Variants in KHDC4 observed in about 807,000 individuals in gnomAD.
The protein encoded by KHDC4 is KH homology domain-containing protein 4.
In KHDC4, 19 loss-of-function variants were observed where a neutral mutation model predicts 74.5. The ratio of observed to expected loss-of-function variants is 0.26; its 90% CI spans 0.18 to 0.37. The LOEUF (loss-of-function observed/expected upper bound fraction) is 0.37, where lower values mean the gene tolerates loss of function less well. Among genes scored for constraint, KHDC4 ranks in the 10% least tolerant of loss-of-function variants. The pLI is 1.00. For synonymous variants in KHDC4, 253 were observed against 266.1 expected (o/e 0.95, Z 0.48); for missense variants, 632 against 754.1 (o/e 0.84, Z 1.90).
Position 155,913,932 on chromosome 1 carries a change from T to A in KHDC4, c.*189A>T. On this transcript the variant is annotated 3_prime_UTR_variant, in exon 14 of 14. Coordinates refer to ENST00000368321, the MANE Select transcript of KHDC4 (RefSeq NM_014949.4). Reference sequence around the variant, plus strand: ...ATTCTAATTAAATTTTAACAGATTCTATGCCACTGCAGAAATAAGGATTTT... The same window carrying A: ...ATTCTAATTAAATTTTAACAGATTCAATGCCACTGCAGAAATAAGGATTTT... 1 of 586,540 alleles carries A rather than the reference T, an allele frequency of 1.7e-6. No homozygotes were observed. The highest frequency in any genetic ancestry group is 2.8e-5 in the East Asian group (1 of 35,688). 36.3% of individuals were successfully genotyped at this position (586,540 alleles called of 1,614,324 possible). A position where few individuals can be genotyped will look rare whatever the true frequency, so the allele number is the denominator to read the frequency against.
intron 7 of KHDC4, among the ~76,000 whole-genome samples, chr1:155,924,142 C>A (rs1209824252): frequency 6.6e-6 from 1 of 152,044 alleles, no homozygotes; most frequent in Non-Finnish European, 1.5e-5. Flanking sequence ...ACGGTGAAAC[C>A]CCATCTCTAC....
intron 7 of KHDC4, among the ~76,000 whole-genome samples, chr1:155,924,310 C>T (rs1264201418): frequency 2.0e-5 from 3 of 150,912 alleles, no homozygotes; most frequent in African/African-American, 7.3e-5. Context: ...CCTGGGTTCA[C>T]GTCATTCTCC....
chr1:155,934,410 G>T lies in KHDC4; in HGVS notation c.-37C>A, dbSNP rs141535277. 2,972 of 1,607,692 alleles carry T rather than the reference G, an allele frequency of 1.8e-3. 1 individual carries two copies. Among genetic ancestry groups the T allele is most frequent in the Non-Finnish European group, 2.0e-3 (2,299 of 1,177,008 alleles). ...CTACTCAACCACCCGCCAACTATCC[G>T]ACTACCACCTCTCGTCACTTCCGCC... On this transcript the variant is annotated 5_prime_UTR_variant, in exon 1 of 14. Coordinates refer to ENST00000368321, the MANE Select transcript of KHDC4 (RefSeq NM_014949.4).
chr1:155,917,792 T>C (rs960539218), intron 10 of KHDC4, 120 bp from the exon 11 acceptor site: 19 of 783,532 alleles, frequency 2.4e-5, no homozygotes, highest in Non-Finnish European at 3.8e-5. Flanking sequence ...CATCTTCAGG[T>C]CCTTAGTTTC....
chr1:155,917,982 G>A (rs1443755310), intron 10 of KHDC4, among the ~76,000 whole-genome samples: 1 of 152,150 alleles, frequency 6.6e-6, no homozygotes. Flanking sequence ...GACAGTCGAT[G>A]TGATTAGCTT....
At chr1:155,925,430 G>A (rs1344050761) in intron 7 of KHDC4, among the ~76,000 whole-genome samples, 1 of 152,122 alleles carries the variant, frequency 6.6e-6, no homozygotes, top group South Asian at 2.1e-4. Context: ...GCCTCCAGAA[G>A]TGTTGGGATT....
At chr1:155,931,185 G>A (rs572051468) in intron 2 of KHDC4, among the ~76,000 whole-genome samples, 58 of 151,266 alleles carry the variant, frequency 3.8e-4, no homozygotes, top group Middle Eastern at 3.4e-3. Context: ...AGCTGGGCAC[G>A]GTGGCATGAG....
At chr1:155,922,025 T>A in intron 8 of KHDC4, 107 bp from the exon 9 acceptor site, 1 of 662,896 alleles carries the variant, frequency 1.5e-6, no homozygotes, top group Non-Finnish European at 2.6e-6. Context: ...TTAAAATATA[T>A]CTACCAATGT....
intron 2 of KHDC4, among the ~76,000 whole-genome samples, chr1:155,931,426 C>T (rs1317056582): frequency 6.6e-6 from 1 of 152,040 alleles, no homozygotes; most frequent in Non-Finnish European, 1.5e-5. Context: ...AAACCCATCT[C>T]TTCAAAAAAT....
intron 1 of KHDC4, 77 bp downstream of exon 1, chr1:155,934,259 T>C: frequency 6.9e-7 from 1 of 1,459,376 alleles, no homozygotes; most frequent in South Asian, 1.2e-5. Flanking sequence ...TTCCACCCTA[T>C]ACGCAGCTTC....
At position 155,913,448 on chromosome 1, in the gene KHDC4, T is replaced by C. The variant is rs1673671307; in HGVS notation, c.*673A>G. 1 of 152,380 alleles carries C rather than the reference T, an allele frequency of 6.6e-6. No homozygotes were observed. The highest frequency in any genetic ancestry group is 2.1e-4 in the South Asian group (1 of 4,822). The allele number at this position is 152,380 out of a possible 1,614,324, so 9.4% of individuals were successfully genotyped here. On this transcript the variant is annotated 3_prime_UTR_variant, in exon 14 of 14. Coordinates refer to ENST00000368321, the MANE Select transcript of KHDC4 (RefSeq NM_014949.4). ...TCTGACCCAGCTGAAGACAGGATCT[T>C]AGAAGGGCAATAAAAACAGTAATGG...
intron 8 of KHDC4, 120 bp downstream of exon 8, chr1:155,923,507 C>A: frequency 1.4e-6 from 1 of 731,774 alleles, no homozygotes; most frequent in Non-Finnish European, 2.4e-6. Flanking sequence ...TTTTAAGCCA[C>A]CCAACTGCCA....
chr1:155,927,745 A>G (rs1218371145), intron 4 of KHDC4, among the ~76,000 whole-genome samples: 4 of 144,634 alleles, frequency 2.8e-5, no homozygotes, highest in East Asian at 2.2e-4. Flanking sequence ...GGAGGTTGCA[A>G]TGACCCAAGA....
chr1:155,915,632 T>G, intron 13 of KHDC4: 2 of 438,180 alleles, frequency 4.6e-6, no homozygotes, highest in East Asian at 3.6e-5. Context: ...CTCAACCCCC[T>G]GAGTAGCTGG....
intron 2 of KHDC4, among the ~76,000 whole-genome samples, 197 bp from the exon 3 acceptor site, chr1:155,930,037 T>G (rs1674108653): frequency 6.6e-6 from 1 of 152,164 alleles, no homozygotes; most frequent in South Asian, 2.1e-4. Context: ...CTCAGCCTCC[T>G]GAGTAGCTGG....
chr1:155,916,839 G>C (rs903547091), intron 11 of KHDC4, 102 bp from the exon 12 acceptor site: 1 of 753,908 alleles, frequency 1.3e-6, no homozygotes, highest in Non-Finnish European at 2.2e-6. Flanking sequence ...CTGATAAGTT[G>C]TAGTACGTTA....
At chr1:155,928,951 C>CAAA (rs11406084) in intron 4 of KHDC4, among the ~76,000 whole-genome samples, 1 of 93,140 alleles carries the variant, frequency 1.1e-5, no homozygotes, top group African/African-American at 4.2e-5. Context: ...GACTCCATCT[C>CAAA]AAAAAAAAAA....
In KHDC4 at chr1:155,925,743, T is replaced by A; in HGVS notation, c.782A>T (p.Gln261Leu). ...GGCACCTGTTTCAATCTGAATGTGC[T>A]GCAAATAGGAGCAGCCTGGACCTTC... ...KVEGPGCSYL[Q>L]HIQIETGAKV... Residue 261 changes from glutamine (Q) to leucine (L), a missense_variant, in exon 7 of 14, where the codon CAG becomes CTG. Around this residue, in one of 4 missense-constraint regions of KHDC4, gnomAD observed 233 missense variants for 342.6 expected, o/e 0.68. Coordinates refer to ENST00000368321, the MANE Select transcript of KHDC4 (RefSeq NM_014949.4). 6.2e-7 allele frequency: 1 copy of A among 1,614,244 alleles called. No individual in the cohort carries two copies. Among genetic ancestry groups the A allele is most frequent in the Non-Finnish European group, 8.5e-7 (1 of 1,180,046 alleles).
chr1:155,925,919 G>A (rs1354614243), intron 6 of KHDC4, 76 bp from the exon 7 acceptor site: 2 of 1,229,822 alleles, frequency 1.6e-6, no homozygotes, highest in East Asian at 4.6e-5. Flanking sequence ...AAGTCAATAA[G>A]AAATTATAGC....
Sources: allele counts gnomAD v4.1 joint callset (sites outside exome capture counted in the v4.1 genomes callset), GRCh38; gene constraint gnomAD v4.1.1; regional missense constraint gnomAD v4.1.1; transcripts MANE v1.5; gene names NCBI Gene and HGNC (gene_info 2026-07-23, HGNC 2026-07-21).